Variants in ZPBP observed in about 807,000 individuals in gnomAD.
The protein encoded by ZPBP is zona pellucida binding protein.
ZPBP carries 26 observed loss-of-function variants against 44.8 expected under a neutral mutation model. That is an observed-to-expected ratio of 0.58 (90% confidence interval 0.43 to 0.81). The LOEUF (loss-of-function observed/expected upper bound fraction) is 0.81, where lower values mean the gene tolerates loss of function less well. ZPBP is among the 30% of genes least tolerant of loss of function. The pLI is 0.00. For synonymous variants in ZPBP, 174 were observed against 153.2 expected, an observed-to-expected ratio of 1.14 and a Z score of -1.00; for missense variants, 409 against 434.0, an observed-to-expected ratio of 0.94 and a Z score of 0.51.
intron 7 of ZPBP, among the ~76,000 whole-genome samples, chr7:49,976,033 G>T (rs577058805): frequency 6.6e-6 from 1 of 152,122 alleles, no homozygotes; most frequent in African/African-American, 2.4e-5. Flanking sequence ...AATACATCAT[G>T]CATCTTAATC....
intron 1 of ZPBP, 94 bp from the exon 2 acceptor site, chr7:50,089,803 GA>G: frequency 1.0e-6 from 1 of 970,516 alleles, no homozygotes; most frequent in Non-Finnish European, 1.6e-6. Flanking sequence ...TTGAAGGGGA[GA>G]GCCATAATTC....
chr7:50,045,327 G>C (rs1486217447), intron 4 of ZPBP, among the ~76,000 whole-genome samples: 1 of 152,104 alleles, frequency 6.6e-6, no homozygotes, highest in Non-Finnish European at 1.5e-5. Context: ...AAAACATAAA[G>C]GGTATTCAAA....
rs373165722 is a variant in ZPBP, at chr7:50,093,210, G to A, written c.-16C>T. 1.8e-3 allele frequency: 2,753 copies of A among 1,509,222 alleles called. 7 individuals carry two copies. Among genetic ancestry groups the A allele is most frequent in the Non-Finnish European group, 2.3e-3 (2,600 of 1,132,224 alleles). The allele number at this position is 1,509,222 out of a possible 1,614,324, so 93.5% of individuals were successfully genotyped here. A position where few individuals can be genotyped will look rare whatever the true frequency, so the allele number is the denominator to read the frequency against. On this transcript the variant is annotated 5_prime_UTR_variant, in exon 1 of 8. Coordinates refer to ENST00000046087, the MANE Select transcript of ZPBP (RefSeq NM_007009.3). The stretch of plus-strand genomic sequence containing the variant: ...AGGCCTCCATCCACACGCCGCCGTC[G>A]CCTGCCCACCGTCCGCGCGGAAGGT...
At chr7:50,066,583 C>G (rs1339803143) in intron 3 of ZPBP, among the ~76,000 whole-genome samples, 1 of 152,212 alleles carries the variant, frequency 6.6e-6, no homozygotes, top group Non-Finnish European at 1.5e-5. Flanking sequence ...ATAGGCATGG[C>G]AAACATTCCT....
chr7:49,999,199 A>G (rs1163374424), intron 6 of ZPBP, among the ~76,000 whole-genome samples: 1 of 151,240 alleles, frequency 6.6e-6, no homozygotes, highest in African/African-American at 2.4e-5. Context: ...TCCAATTCCT[A>G]TAATAAGTCT....
In ZPBP at chr7:49,957,646, C is replaced by G. The variant is rs73694396; in HGVS notation, c.962-20024G>C. On this transcript the variant is annotated intron_variant, in intron 7 of 7. Transcript: ENST00000046087. ...GCTGTGGAGGCATGGCTTCCTCCAC[C>G]TTTATTTCAAAGAAACTTGTTGTGA... 3.1e-3 allele frequency among the ~76,000 whole-genome samples: 479 copies of G among 152,236 alleles called. 1 individual carries two copies. The highest frequency in any genetic ancestry group is 0.011 in the African/African-American group (460 of 41,532).
At chr7:50,091,101 T>G (rs1231298964) in intron 1 of ZPBP, among the ~76,000 whole-genome samples, 1 of 152,234 alleles carries the variant, frequency 6.6e-6, no homozygotes, top group African/African-American at 2.4e-5. Flanking sequence ...TGTTGGCCAT[T>G]TGTATATCTT....
intron 7 of ZPBP, among the ~76,000 whole-genome samples, chr7:49,948,633 C>G (rs544058613): frequency 6.6e-6 from 1 of 152,158 alleles, no homozygotes; most frequent in East Asian, 1.9e-4. Flanking sequence ...CACTACTAAC[C>G]ATTAGGGAAA....
At chr7:49,887,971 T>C (rs1278838742) in intron 2 of ZPBP, among the ~76,000 whole-genome samples, 1 of 152,066 alleles carries the variant, frequency 6.6e-6, no homozygotes, top group Non-Finnish European at 1.5e-5. Flanking sequence ...TGTAGCCTGT[T>C]TCACAATGCA....
intron 2 of ZPBP, among the ~76,000 whole-genome samples, chr7:50,087,375 T>C (rs190194422): frequency 1.3e-5 from 2 of 152,134 alleles, no homozygotes; most frequent in South Asian, 2.1e-4. Flanking sequence ...CAAAAATCAA[T>C]GTGATGCATC....
chr7:49,888,938 A>C (rs1248533417), intron 2 of ZPBP, among the ~76,000 whole-genome samples: 2 of 152,086 alleles, frequency 1.3e-5, no homozygotes, highest in Non-Finnish European at 2.9e-5. Flanking sequence ...AAAACAAAAA[A>C]AAACAAAAGA....
intron 7 of ZPBP, among the ~76,000 whole-genome samples, chr7:49,981,356 AT>A (rs1562819242): frequency 7.1e-5 from 1 of 14,134 alleles, no homozygotes; most frequent in African/African-American, 2.6e-4. Flanking sequence ...TATAATATAT[AT>A]TATATATAAT....
At chr7:50,066,791 C>G (rs1801525425) in intron 3 of ZPBP, among the ~76,000 whole-genome samples, 1 of 152,178 alleles carries the variant, frequency 6.6e-6, no homozygotes. Flanking sequence ...CAAGCTTCAG[C>G]CATGCATAGA....
intron 3 of ZPBP, among the ~76,000 whole-genome samples, chr7:50,072,803 C>T (rs914378245): frequency 3.3e-5 from 5 of 152,202 alleles, no homozygotes; most frequent in African/African-American, 7.2e-5. Flanking sequence ...AAAACAGACA[C>T]AATTTACATC....
At chr7:50,043,175 C>T (rs1800179334) in intron 4 of ZPBP, among the ~76,000 whole-genome samples, 1 of 152,234 alleles carries the variant, frequency 6.6e-6, no homozygotes, top group South Asian at 2.1e-4. Context: ...TTCGTCCCAT[C>T]CCTTTGTTTC....
At chr7:50,013,712 C>A (rs1280103252) in intron 6 of ZPBP, among the ~76,000 whole-genome samples, 1 of 151,876 alleles carries the variant, frequency 6.6e-6, no homozygotes, top group Non-Finnish European at 1.5e-5. Flanking sequence ...TCAGAGATGA[C>A]CCCGATATGA....
At chr7:49,993,151 G>C (rs1797641951) in intron 6 of ZPBP, among the ~76,000 whole-genome samples, 1 of 151,792 alleles carries the variant, frequency 6.6e-6, no homozygotes, top group African/African-American at 2.4e-5. Context: ...GAAAAATAAG[G>C]TAAAAAAAGT....
chr7:49,887,897 C>A (rs1240063850), intron 2 of ZPBP, among the ~76,000 whole-genome samples: 1 of 152,204 alleles, frequency 6.6e-6, no homozygotes, highest in African/African-American at 2.4e-5. Flanking sequence ...TTCTTCCTTG[C>A]GTTGTATTTA....
chr7:49,978,010 T>A (rs1025380555), intron 7 of ZPBP, among the ~76,000 whole-genome samples: 1 of 151,692 alleles, frequency 6.6e-6, no homozygotes, highest in African/African-American at 2.4e-5. Flanking sequence ...GAGAAAAAAA[T>A]AGGAAGGGAT....
Sources: allele counts gnomAD v4.1 joint callset (sites outside exome capture counted in the v4.1 genomes callset), GRCh38; gene constraint gnomAD v4.1.1; transcripts MANE v1.5; gene names NCBI Gene and HGNC (gene_info 2026-07-23, HGNC 2026-07-21).